CHSY3: variants seen among roughly 807,000 people sequenced by gnomAD.
CHSY3 encodes the protein N-acetylgalactosaminyl-proteoglycan 3-beta-glucuronosyltransferase 3.
A neutral mutation model predicts 67.2 loss-of-function variants in CHSY3; 35 were observed. The ratio of observed to expected loss-of-function variants is 0.52; its 90% confidence interval spans 0.40 to 0.69. The LOEUF (loss-of-function observed/expected upper bound fraction) is 0.69, where lower values mean the gene tolerates loss of function less well. CHSY3 is among the 30% of genes least tolerant of loss of function. The probability of loss-of-function intolerance (pLI) is 0.00; values close to 1 mark genes in which losing one functional copy is unlikely to be tolerated. For synonymous variants in CHSY3, 474 were observed against 434.7 expected (o/e 1.09, Z -1.12); for missense variants, 1,069 against 1,138.5 (o/e 0.94, Z 0.88).
chr5:130,046,890 G>C (rs1263062367), intron 2 of CHSY3, among the ~76,000 whole-genome samples: 1 of 151,844 alleles, frequency 6.6e-6, no homozygotes, highest in Non-Finnish European at 1.5e-5. Context: ...TTTTGGAAGA[G>C]ATTGGATTTT....
intron 2 of CHSY3, among the ~76,000 whole-genome samples, chr5:130,182,454 A>G (rs908838322): frequency 6.6e-6 from 1 of 151,104 alleles, no homozygotes; most frequent in African/African-American, 2.4e-5. Context: ...GCCCTTTATT[A>G]TTTTCCTAAT....
intron 2 of CHSY3, among the ~76,000 whole-genome samples, chr5:130,099,276 T>C (rs771244448): frequency 6.6e-5 from 10 of 152,212 alleles, no homozygotes; most frequent in Non-Finnish European, 1.3e-4. Context: ...TCCAAACAGA[T>C]CTTTCTTTGA....
chr5:130,005,908 A>G (rs183152031), intron 2 of CHSY3, among the ~76,000 whole-genome samples: 12 of 152,278 alleles, frequency 7.9e-5, no homozygotes, highest in African/African-American at 2.9e-4. Flanking sequence ...TCATTATGCT[A>G]TCAATAAGAA....
chr5:130,016,629 C>T (rs148228913), intron 2 of CHSY3, among the ~76,000 whole-genome samples: 2,455 of 152,242 alleles, frequency 0.016, 55 homozygotes, highest in African/African-American at 0.054. Flanking sequence ...AGGCTGGTCT[C>T]GAACTCCTGA....
intron 2 of CHSY3, among the ~76,000 whole-genome samples, chr5:130,004,590 A>G (rs895380583): frequency 6.6e-6 from 1 of 152,148 alleles, no homozygotes; most frequent in Non-Finnish European, 1.5e-5. Context: ...AAAATGTAAG[A>G]CTCGATTTTG....
intron 2 of CHSY3, among the ~76,000 whole-genome samples, chr5:130,138,316 T>G (rs1178415342): frequency 6.6e-6 from 1 of 152,148 alleles, no homozygotes; most frequent in African/African-American, 2.4e-5. Context: ...GGGCAGGCTG[T>G]GACCTGAGGT....
chr5:129,996,287 C>A (rs1763535439), intron 2 of CHSY3, among the ~76,000 whole-genome samples: 1 of 152,114 alleles, frequency 6.6e-6, no homozygotes, highest in Non-Finnish European at 1.5e-5. Context: ...CCAGTACAGC[C>A]TGATTGCATT....
chr5:129,947,585 T>C (rs1761895298), intron 2 of CHSY3, among the ~76,000 whole-genome samples: 1 of 150,648 alleles, frequency 6.6e-6, no homozygotes, highest in South Asian at 2.1e-4. Flanking sequence ...AGTGCACCAC[T>C]GCACTCCAGC....
chr5:130,038,464 G>A (rs1045651877), intron 2 of CHSY3, among the ~76,000 whole-genome samples: 57 of 152,142 alleles, frequency 3.7e-4, no homozygotes, highest in African/African-American at 1.3e-3. Flanking sequence ...TCTCTTACAT[G>A]TGATCCATGT....
chr5:130,034,121 G>T (rs1184778897), intron 2 of CHSY3, among the ~76,000 whole-genome samples: 3 of 151,968 alleles, frequency 2.0e-5, no homozygotes, highest in Non-Finnish European at 4.4e-5. Context: ...AGTTGTTTTG[G>T]TGTTTATCAT....
chr5:130,116,348 A>G, intron 2 of CHSY3, among the ~76,000 whole-genome samples: 1 of 152,238 alleles, frequency 6.6e-6, no homozygotes, highest in East Asian at 1.9e-4. Context: ...TCTGCATCAG[A>G]GTAAGCATGG....
intron 2 of CHSY3, among the ~76,000 whole-genome samples, chr5:129,964,455 A>G (rs1312658429): frequency 1.3e-5 from 2 of 151,710 alleles, no homozygotes; most frequent in East Asian, 3.9e-4. Flanking sequence ...GGTAATTATA[A>G]TTTTTCCCGA....
intron 2 of CHSY3, among the ~76,000 whole-genome samples, chr5:129,953,698 T>A (rs1403886016): frequency 6.6e-6 from 1 of 152,210 alleles, no homozygotes; most frequent in Non-Finnish European, 1.5e-5. Context: ...GGTACCTCAT[T>A]GTGGTTTTGA....
chr5:129,956,593 A>G (rs1309826540), intron 2 of CHSY3, among the ~76,000 whole-genome samples: 1 of 151,942 alleles, frequency 6.6e-6, no homozygotes, highest in Non-Finnish European at 1.5e-5. Context: ...CTTTTGTTGC[A>G]ATTGCTTTTG....
chr5:130,121,065 T>A (rs902147111), intron 2 of CHSY3, among the ~76,000 whole-genome samples: 2 of 152,222 alleles, frequency 1.3e-5, no homozygotes, highest in Non-Finnish European at 2.9e-5. Flanking sequence ...TGGCCCTGAC[T>A]CTTTCCTGTG....
At chr5:130,012,609 G>T (rs1327456959) in intron 2 of CHSY3, among the ~76,000 whole-genome samples, 1 of 152,154 alleles carries the variant, frequency 6.6e-6, no homozygotes, top group African/African-American at 2.4e-5. Flanking sequence ...GGAAATTCCA[G>T]ATGCTTATAA....
chr5:130,157,887 T>C (rs543925209), intron 2 of CHSY3, among the ~76,000 whole-genome samples: 2 of 152,370 alleles, frequency 1.3e-5, no homozygotes, highest in Admixed American at 6.5e-5. Flanking sequence ...TGAGGATTTT[T>C]CCCCTTTTTA....
At chr5:129,923,589 A>T (rs1008277534) in intron 2 of CHSY3, among the ~76,000 whole-genome samples, 1 of 152,190 alleles carries the variant, frequency 6.6e-6, no homozygotes, top group Non-Finnish European at 1.5e-5. Context: ...GGGTGGTTAG[A>T]TGGACCTCAC....
chr5:129,977,470 A>G (rs567380162), intron 2 of CHSY3, among the ~76,000 whole-genome samples: 5 of 152,316 alleles, frequency 3.3e-5, no homozygotes, highest in Non-Finnish European at 5.9e-5. Context: ...TCTGCATTAC[A>G]TAAGTTGAAT....
Sources: allele counts gnomAD v4.1 joint callset (sites outside exome capture counted in the v4.1 genomes callset), GRCh38; gene constraint gnomAD v4.1.1; transcripts MANE v1.5; gene names NCBI Gene and HGNC (gene_info 2026-07-23, HGNC 2026-07-21).